Variants in PCTP observed in about 807,000 individuals in gnomAD.
The protein encoded by PCTP is START domain-containing protein 2.
In PCTP, 27 loss-of-function variants were observed where a neutral mutation model predicts 31.0. That is an observed-to-expected ratio of 0.87 (90% confidence interval 0.64 to 1.20). PCTP has a LOEUF of 1.20. Among genes scored for constraint, PCTP ranks in the 50% most tolerant of loss-of-function variants. PCTP has a pLI of 0.00. For synonymous variants in PCTP, 108 were observed against 101.2 expected (o/e 1.07, Z -0.40); for missense variants, 287 against 268.2 (o/e 1.07, Z -0.49).
chr17:55,826,367 A>G (rs1905397420), downstream of PCTP, among the ~76,000 whole-genome samples: 1 of 152,098 alleles, frequency 6.6e-6, no homozygotes, highest in Non-Finnish European at 1.5e-5. Context: ...GTTGCCAGAA[A>G]CAGATGGTAA....
In PCTP at chr17:55,753,921, A is replaced by G. The variant is rs185835476; in HGVS notation, c.141+2677A>G. On this transcript the variant is annotated intron_variant, in intron 1 of 5. Transcript: ENST00000268896. ...CTCTTTTTCTAATAAAGCTTCCAGC[A>G]TGTGGGATGGACCGTCTTAGGAGGG... 2.0e-5 allele frequency among the ~76,000 whole-genome samples: 3 copies of G among 152,370 alleles called. No individual in the cohort carries two copies. The East Asian group carries it at 5.8e-4, about 29-fold the overall frequency.
At chr17:55,804,112 G>A (rs9774652) in intron 3 of PCTP, among the ~76,000 whole-genome samples, 1 of 152,158 alleles carries the variant, frequency 6.6e-6, no homozygotes, top group Admixed American at 6.5e-5. Context: ...ATGAAAAAAA[G>A]ATCATCATCA....
chr17:55,850,607 A>ATG, the PCTP span, among the ~76,000 whole-genome samples: 1 of 152,216 alleles, frequency 6.6e-6, no homozygotes, highest in Non-Finnish European at 1.5e-5. Flanking sequence ...GCAAAGATCT[A>ATG]CGAAGATCCA....
intron 5 of PCTP, chr17:55,775,500 T>C (rs1316309042): frequency 1.7e-6 from 2 of 1,196,926 alleles, no homozygotes; most frequent in African/African-American, 3.1e-5. Context: ...CTACTGACTG[T>C]CTTGTTTTAT....
intron 3 of PCTP, among the ~76,000 whole-genome samples, chr17:55,800,175 C>T (rs190764115): frequency 6.6e-6 from 1 of 152,106 alleles, no homozygotes; most frequent in Admixed American, 6.5e-5. Flanking sequence ...TGTTTTCCAA[C>T]TTGGTTCCAT....
At chr17:55,781,593 A>T (rs918615430), downstream of PCTP, among the ~76,000 whole-genome samples, 2 of 152,232 alleles carry the variant, frequency 1.3e-5, no homozygotes, top group African/African-American at 4.8e-5. Context: ...TCCAATTCAT[A>T]CCACTAACTA....
rs3083340 is a variant in PCTP at position 55,829,689 on chromosome 17, AACACACACACAC to A, written n.505+6783_505+6794del. 4.8e-5 allele frequency among the ~76,000 whole-genome samples: 7 copies of A among 146,232 alleles called. No homozygotes were observed. In the South Asian group the frequency reaches 1.1e-3, roughly 23 times the overall value. On this transcript the variant is annotated intron_variant and non_coding_transcript_variant, in intron 5 of 5. Coordinates refer to the PCTP transcript ENST00000576221. ...TCTATACAGTTTGGATAATAATTTAAACACACACACACACACACACACACACACACACCCTCT... is the reference window on the plus strand; with the variant it reads ...TCTATACAGTTTGGATAATAATTTAAACACACACACACACACACACCCTCT...
intron 1 of PCTP, among the ~76,000 whole-genome samples, chr17:55,760,094 A>G (rs763754793): frequency 3.9e-5 from 6 of 152,228 alleles, no homozygotes; most frequent in Non-Finnish European, 8.8e-5. Context: ...AAAATTAGTG[A>G]TAACAGTAAC....
downstream of PCTP, among the ~76,000 whole-genome samples, chr17:55,844,177 G>A (rs1042983467): frequency 6.6e-6 from 1 of 152,160 alleles, no homozygotes; most frequent in Non-Finnish European, 1.5e-5. Context: ...CTTGTAACAT[G>A]GCAGAATAGT....
intron 3 of PCTP, among the ~76,000 whole-genome samples, chr17:55,806,359 T>C (rs531818597): frequency 9.8e-5 from 15 of 152,294 alleles, no homozygotes; most frequent in Admixed American, 7.2e-4. Flanking sequence ...CCAAGTTCAG[T>C]ACCATTACGT....
intron 1 of PCTP, among the ~76,000 whole-genome samples, chr17:55,753,151 C>T (rs1909802429): frequency 1.3e-5 from 2 of 152,226 alleles, no homozygotes; most frequent in African/African-American, 4.8e-5. Context: ...ACGTGTCTAG[C>T]ATCTGGCTTA....
At chr17:55,823,443 T>A (rs1665677232), downstream of PCTP, among the ~76,000 whole-genome samples, 1 of 152,248 alleles carries the variant, frequency 6.6e-6, no homozygotes, top group Non-Finnish European at 1.5e-5. Context: ...GACTGGGAAG[T>A]GCTGATATTA....
At chr17:55,813,278 A>G (rs1040290600) in intron 3 of PCTP, among the ~76,000 whole-genome samples, 2 of 152,058 alleles carry the variant, frequency 1.3e-5, no homozygotes, top group Non-Finnish European at 2.9e-5. Context: ...TTATTTATTT[A>G]TTTATTTTGA....
chr17:55,825,289 A>T (rs1456059852), downstream of PCTP, among the ~76,000 whole-genome samples: 2 of 152,210 alleles, frequency 1.3e-5, no homozygotes, highest in Admixed American at 1.3e-4. Context: ...TGAGTCTCTA[A>T]GTCAACTTCA....
intron 5 of PCTP, among the ~76,000 whole-genome samples, chr17:55,834,409 T>G (rs1488542289): frequency 1.3e-5 from 2 of 152,094 alleles, no homozygotes; most frequent in Admixed American, 6.5e-5. Context: ...GTGTCAAAAC[T>G]GGCTTTCTCT....
chr17:55,804,726 T>C (rs868748242), intron 3 of PCTP, among the ~76,000 whole-genome samples: 8 of 151,964 alleles, frequency 5.3e-5, no homozygotes, highest in South Asian at 2.1e-4. Context: ...GGTGGGGGAC[T>C]AGGGGAGGGA....
intron 3 of PCTP, among the ~76,000 whole-genome samples, chr17:55,813,042 T>C (rs1409761265): frequency 6.6e-6 from 1 of 152,156 alleles, no homozygotes; most frequent in African/African-American, 2.4e-5. Context: ...ACTCAGTTCC[T>C]CACTTCTTGG....
intron 2 of PCTP, among the ~76,000 whole-genome samples, chr17:55,768,400 A>G (rs1017562357): frequency 6.6e-6 from 1 of 152,134 alleles, no homozygotes; most frequent in African/African-American, 2.4e-5. Flanking sequence ...TTCCAAACAG[A>G]GAAGAATACA....
intron 5 of PCTP, among the ~76,000 whole-genome samples, chr17:55,839,919 C>CAAAAAAAAAAAAAAAAAAA (rs57402824): frequency 2.4e-4 from 3 of 12,506 alleles, no homozygotes; most frequent in Non-Finnish European, 3.2e-4. Flanking sequence ...GACTCAGTCT[C>CAAAAAAAAAAAAAAAAAAA]AAAAAAAAAA....
Sources: gnomAD v4.1 joint callset for allele counts (sites outside exome capture counted in the v4.1 genomes callset) on GRCh38, gnomAD v4.1.1 for gene constraint, MANE v1.5 for transcripts, NCBI Gene and HGNC (gene_info 2026-07-23, HGNC 2026-07-21) for gene names.